DLG2: variants seen among roughly 807,000 people sequenced by gnomAD.
DLG2 encodes discs large MAGUK scaffold protein 2.
In DLG2, 45 loss-of-function variants were observed where a neutral mutation model predicts 132.5. The observed-to-expected ratio is 0.34, with a 90% CI of 0.27 to 0.44. The LOEUF (loss-of-function observed/expected upper bound fraction) is 0.44, where lower values mean the gene tolerates loss of function less well. Ranked by LOEUF, DLG2 falls within the 20% of genes least tolerant of loss-of-function variation. DLG2 has a pLI of 1.00. For synonymous variants in DLG2, 424 were observed against 419.6 expected, an observed-to-expected ratio of 1.01 and a Z score of -0.13; for missense variants, 1,045 against 1,196.9, an observed-to-expected ratio of 0.87 and a Z score of 1.87.
At chr11:84,230,895 A>G (rs2097082881) in intron 8 of DLG2, among the ~76,000 whole-genome samples, 1 of 152,210 alleles carries the variant, frequency 6.6e-6, no homozygotes, top group South Asian at 2.1e-4. Context: ...GAAATACAAG[A>G]ACTTGAAGAA....
intron 19 of DLG2, among the ~76,000 whole-genome samples, chr11:83,609,204 A>G (rs2059766573): frequency 6.6e-6 from 1 of 152,206 alleles, no homozygotes; most frequent in Non-Finnish European, 1.5e-5. Flanking sequence ...CTACAAATTG[A>G]AATAAACTTA....
chr11:83,499,838 CT>C (rs1291545564), intron 21 of DLG2, among the ~76,000 whole-genome samples: 3 of 113,248 alleles, frequency 2.6e-5, no homozygotes, highest in Non-Finnish European at 5.4e-5. Flanking sequence ...TATATATTTC[CT>C]CCACTAATAG....
chr11:83,738,335 A>AT (rs530858705), intron 18 of DLG2, among the ~76,000 whole-genome samples: 27 of 150,104 alleles, frequency 1.8e-4, no homozygotes, highest in Admixed American at 5.3e-4. Context: ...CACAGCCAAG[A>AT]TTTTTTTTTT....
intron 7 of DLG2, among the ~76,000 whole-genome samples, chr11:84,484,065 C>G (rs887243389): frequency 7.9e-5 from 12 of 152,150 alleles, no homozygotes; most frequent in Non-Finnish European, 1.5e-4. Context: ...AGACTTCAGA[C>G]CAAGTATGGT....
intron 8 of DLG2, among the ~76,000 whole-genome samples, chr11:84,240,399 A>G (rs2097210952): frequency 6.6e-6 from 1 of 152,242 alleles, no homozygotes; most frequent in African/African-American, 2.4e-5. Context: ...CCTAAAGAAT[A>G]CAATATGCAA....
At chr11:84,593,008 C>T (rs1445208740) in intron 6 of DLG2, among the ~76,000 whole-genome samples, 4 of 142,562 alleles carry the variant, frequency 2.8e-5, no homozygotes, top group Non-Finnish European at 6.0e-5. Flanking sequence ...AGTCCCAGCT[C>T]CTCGGGAGGG....
chr11:85,354,254 G>A (rs751669521), intron 3 of DLG2, among the ~76,000 whole-genome samples: 37 of 151,938 alleles, frequency 2.4e-4, no homozygotes, highest in Non-Finnish European at 5.0e-4. Context: ...AAGACATAAC[G>A]TAAAAATTGA....
intron 21 of DLG2, among the ~76,000 whole-genome samples, chr11:83,499,611 A>G (rs576843284): frequency 1.3e-5 from 2 of 150,476 alleles, no homozygotes; most frequent in East Asian, 4.0e-4. Context: ...AACACCCTCT[A>G]CACTCTCCGT....
At chr11:85,573,114 G>C (rs773257691) in intron 3 of DLG2, among the ~76,000 whole-genome samples, 2 of 152,194 alleles carry the variant, frequency 1.3e-5, no homozygotes, top group Admixed American at 6.6e-5. Context: ...TCAGCCATGA[G>C]TTAAAGCTTC....
At chr11:84,767,396 A>C (rs2068585520) in intron 6 of DLG2, among the ~76,000 whole-genome samples, 1 of 152,020 alleles carries the variant, frequency 6.6e-6, no homozygotes, top group Admixed American at 6.6e-5. Flanking sequence ...GGCTTGAAGC[A>C]TATTACCTAA....
chr11:84,161,249 G>A (rs1310469845), intron 9 of DLG2, among the ~76,000 whole-genome samples: 1 of 151,960 alleles, frequency 6.6e-6, no homozygotes, highest in African/African-American at 2.4e-5. Flanking sequence ...TTAGAGTGAG[G>A]GACCAGGTAA....
At chr11:85,576,391 A>T (rs1417774799) in intron 3 of DLG2, among the ~76,000 whole-genome samples, 1 of 152,128 alleles carries the variant, frequency 6.6e-6, no homozygotes, top group Non-Finnish European at 1.5e-5. Context: ...CATAAATCAC[A>T]CTTTCTGATC....
chr11:84,122,824 A>G (rs2093991219), intron 9 of DLG2, among the ~76,000 whole-genome samples: 1 of 152,016 alleles, frequency 6.6e-6, no homozygotes, highest in Non-Finnish European at 1.5e-5. Flanking sequence ...CCAAACATAT[A>G]ACACACACAC....
intron 6 of DLG2, among the ~76,000 whole-genome samples, chr11:84,823,581 CCACA>C (rs60714512): frequency 0.25 from 34,089 of 134,268 alleles, 4,337 homozygotes; most frequent in Non-Finnish European, 0.27. Context: ...GGTTGTATAT[CCACA>C]CACACACACA....
At chr11:83,970,780 C>T (rs1241732796) in intron 12 of DLG2, among the ~76,000 whole-genome samples, 1 of 152,180 alleles carries the variant, frequency 6.6e-6, no homozygotes, top group Admixed American at 6.5e-5. Context: ...CTATTGTCAT[C>T]ATCTGTAAGC....
intron 6 of DLG2, among the ~76,000 whole-genome samples, chr11:84,645,710 G>A (rs1190101835): frequency 6.6e-6 from 1 of 152,082 alleles, no homozygotes; most frequent in African/African-American, 2.4e-5. Context: ...CTCGTGATCC[G>A]CCAGCCTCAG....
At chr11:85,563,416 G>A (rs1286243817) in intron 3 of DLG2, among the ~76,000 whole-genome samples, 2 of 149,858 alleles carry the variant, frequency 1.3e-5, no homozygotes, top group Admixed American at 6.7e-5. Flanking sequence ...TAAATGAGTG[G>A]ATTAAAAAAA....
chr11:83,675,441 C>T (rs973097692), intron 18 of DLG2, among the ~76,000 whole-genome samples: 2 of 152,142 alleles, frequency 1.3e-5, no homozygotes, highest in African/African-American at 4.8e-5. Flanking sequence ...ACTTGAGTTA[C>T]TGCATAAGTC....
At chr11:84,146,077 A>G (rs1436307101) in intron 9 of DLG2, among the ~76,000 whole-genome samples, 1 of 152,182 alleles carries the variant, frequency 6.6e-6, no homozygotes, top group African/African-American at 2.4e-5. Context: ...GTGGAGACCT[A>G]AATTTGCAGA....
Sources: gnomAD v4.1 joint callset for allele counts (sites outside exome capture counted in the v4.1 genomes callset) on GRCh38, gnomAD v4.1.1 for gene constraint, MANE v1.5 for transcripts, NCBI Gene and HGNC (gene_info 2026-07-23, HGNC 2026-07-21) for gene names.